Variants in UVRAG observed in about 807,000 individuals in gnomAD.
UVRAG encodes UV radiation resistance associated, also known as UV radiation resistance-associated gene protein.
Under a neutral mutation model 78.0 loss-of-function variants are expected in UVRAG, and 19 were observed. That is an observed-to-expected ratio of 0.24 (90% CI 0.17 to 0.36). The LOEUF is 0.36. Ranked by LOEUF, UVRAG falls within the 10% of genes least tolerant of loss-of-function variation. The pLI is 1.00. For missense variants in UVRAG, 740 were observed against 853.8 expected, an observed-to-expected ratio of 0.87 and a Z score of 1.66; for synonymous variants, 323 against 324.6, an observed-to-expected ratio of 1.00 and a Z score of 0.05.
intron 6 of UVRAG, among the ~76,000 whole-genome samples, chr11:75,936,085 A>G (rs1410441265): frequency 6.6e-6 from 1 of 152,214 alleles, no homozygotes; most frequent in East Asian, 1.9e-4. Context: ...TGGTGAAGAG[A>G]TTCAAGTTAT....
At chr11:75,845,760 G>C (rs1427083561) in intron 1 of UVRAG, among the ~76,000 whole-genome samples, 1 of 151,990 alleles carries the variant, frequency 6.6e-6, no homozygotes, top group Non-Finnish European at 1.5e-5. Context: ...GCATTATGCT[G>C]ATTACCTGGG....
chr11:75,937,468 C>G (rs984394618), intron 6 of UVRAG, among the ~76,000 whole-genome samples: 1 of 152,172 alleles, frequency 6.6e-6, no homozygotes, highest in East Asian at 1.9e-4. Context: ...TTCAGTATGT[C>G]TGAAAACATC....
At chr11:75,970,280 GA>G (rs1161877763) in intron 7 of UVRAG, among the ~76,000 whole-genome samples, 1 of 152,194 alleles carries the variant, frequency 6.6e-6, no homozygotes, top group East Asian at 1.9e-4. Context: ...TATTTATATG[GA>G]AACGTAAGTT....
At chr11:75,974,399 G>A (rs1450817014) in intron 7 of UVRAG, among the ~76,000 whole-genome samples, 9 of 120,920 alleles carry the variant, frequency 7.4e-5, no homozygotes, top group African/African-American at 1.6e-4. Flanking sequence ...TCGCTCTGTC[G>A]CCCAGGCCGG....
chr11:76,141,197 T>C lies in UVRAG; in HGVS notation c.1884T>C (p.Thr628=). 6.2e-7 allele frequency: 1 copy of C among 1,614,080 alleles called. No homozygotes were observed. Residue 628 remains threonine (T), a synonymous_variant, in exon 15 of 15, where the codon ACT becomes ACC. Transcript: ENST00000356136. ...TCTCAGAAGCTGAGCTCTGCTGTAC[T>C]GTGGAGCAAGCAGAAGAAATCATCG... The part of the protein sequence containing the change: ...HPVSEAELCC[T]VEQAEEIIGL...
chr11:75,892,205 C>A, intron 5 of UVRAG: 1 of 392,998 alleles, frequency 2.5e-6, no homozygotes. Context: ...TTGGAGAGAA[C>A]CTGGAAAGAA....
chr11:76,133,487 G>T (rs1280061680), intron 14 of UVRAG, among the ~76,000 whole-genome samples: 1 of 152,210 alleles, frequency 6.6e-6, no homozygotes, highest in East Asian at 1.9e-4. Flanking sequence ...GGAGGGAAAT[G>T]ATGGGGGCAA....
intron 14 of UVRAG, among the ~76,000 whole-genome samples, chr11:76,120,696 G>A (rs1473324047): frequency 6.6e-6 from 1 of 152,198 alleles, no homozygotes; most frequent in African/African-American, 2.4e-5. Flanking sequence ...TAAAGTAGAT[G>A]CAAAGCACTG....
intron 8 of UVRAG, among the ~76,000 whole-genome samples, chr11:75,996,517 C>G (rs545369986): frequency 6.6e-6 from 1 of 152,064 alleles, no homozygotes; most frequent in Non-Finnish European, 1.5e-5. Context: ...ACAACAGGTA[C>G]AGGAGGTGAC....
intron 6 of UVRAG, among the ~76,000 whole-genome samples, chr11:75,961,146 A>G (rs1948902334): frequency 6.6e-6 from 1 of 151,986 alleles, no homozygotes; most frequent in Non-Finnish European, 1.5e-5. Context: ...ACATCTATAA[A>G]TGATAGGATT....
rs1433246903 is a variant in UVRAG at position 76,007,381 on chromosome 11, T to C, written c.912-153T>C. ...ATACTATTTGGAGATAGGTCAAGAC[T>C]TACGGTAACTATTATTTATGCTTCT... On this transcript the variant is annotated intron_variant, in intron 9 of 14. Transcript: ENST00000356136. 1.6e-4 allele frequency among the ~76,000 whole-genome samples: 25 copies of C among 152,224 alleles called. 1 individual carries two copies.
At chr11:76,057,162 G>C (rs1727537561) in intron 12 of UVRAG, among the ~76,000 whole-genome samples, 1 of 152,188 alleles carries the variant, frequency 6.6e-6, no homozygotes, top group Admixed American at 6.5e-5. Context: ...TTCAAGTGCA[G>C]TGGAAAATCT....
chr11:75,939,879 A>C (rs1948448164), intron 6 of UVRAG, among the ~76,000 whole-genome samples: 1 of 152,220 alleles, frequency 6.6e-6, no homozygotes, highest in Non-Finnish European at 1.5e-5. Context: ...AACTGCAACA[A>C]AACTGCCAAT....
intron 1 of UVRAG, among the ~76,000 whole-genome samples, chr11:75,828,803 A>G (rs71466373): frequency 1.2e-5 from 1 of 85,454 alleles, no homozygotes; most frequent in South Asian, 3.4e-4. Flanking sequence ...ATATATATAT[A>G]TATTTTTTTT....
At chr11:76,071,995 G>A (rs1951319493) in intron 13 of UVRAG, among the ~76,000 whole-genome samples, 1 of 152,110 alleles carries the variant, frequency 6.6e-6, no homozygotes, top group South Asian at 2.1e-4. Context: ...TGGATCTCAG[G>A]ACTGGAGGTC....
chr11:76,014,794 T>G (rs1034214800), intron 11 of UVRAG, among the ~76,000 whole-genome samples: 1 of 152,226 alleles, frequency 6.6e-6, no homozygotes, highest in African/African-American at 2.4e-5. Context: ...CTCTTAGTTC[T>G]ATTATTGTAT....
chr11:75,948,926 T>A (rs559821686), intron 6 of UVRAG, among the ~76,000 whole-genome samples: 1 of 152,280 alleles, frequency 6.6e-6, no homozygotes, highest in African/African-American at 2.4e-5. Context: ...TAATTTTAGA[T>A]GTGTATAAGG....
At chr11:75,877,873 C>G (rs1281597841) in intron 3 of UVRAG, among the ~76,000 whole-genome samples, 4 of 147,256 alleles carry the variant, frequency 2.7e-5, no homozygotes, top group Non-Finnish European at 6.0e-5. Context: ...CTGACCCCCC[C>G]ACCTCCCTCC....
At chr11:76,047,828 A>C (rs369657457) in intron 12 of UVRAG, among the ~76,000 whole-genome samples, 6 of 152,354 alleles carry the variant, frequency 3.9e-5, no homozygotes, top group African/African-American at 1.4e-4. Context: ...GTAACTGGGC[A>C]AGTCATTATG....
Sources: gnomAD v4.1 joint callset for allele counts (sites outside exome capture counted in the v4.1 genomes callset) on GRCh38, gnomAD v4.1.1 for gene constraint, MANE v1.5 for transcripts, NCBI Gene and HGNC (gene_info 2026-07-23, HGNC 2026-07-21) for gene names.